Variants in VWC2L observed in about 807,000 individuals in gnomAD.
VWC2L encodes the protein von Willebrand factor C domain containing 2 like, also known as von Willebrand factor C domain-containing protein 2-like.
VWC2L carries 10 observed loss-of-function variants against 21.6 expected under a neutral mutation model. That is an observed-to-expected ratio of 0.46 (90% CI 0.29 to 0.78). The LOEUF (loss-of-function observed/expected upper bound fraction) is 0.78, where lower values mean the gene tolerates loss of function less well. VWC2L is among the 30% of genes least tolerant of loss of function. VWC2L has a pLI of 0.10. For synonymous variants in VWC2L, 96 were observed against 94.3 expected, an observed-to-expected ratio of 1.02 and a Z score of -0.10; for missense variants, 209 against 277.1, an observed-to-expected ratio of 0.75 and a Z score of 1.74.
chr2:214,446,715 C>A (rs1252942089), intron 3 of VWC2L, among the ~76,000 whole-genome samples: 1 of 151,982 alleles, frequency 6.6e-6, no homozygotes, highest in African/African-American at 2.4e-5. Flanking sequence ...GAGTCCAGTC[C>A]CCCCACAAAA....
At chr2:214,510,261 C>T (rs899812316) in intron 3 of VWC2L, 1 of 151,936 alleles carries the variant, frequency 6.6e-6, no homozygotes, top group Non-Finnish European at 1.5e-5. Context: ...TATGTTTGTA[C>T]TTTTGTGGTC....
chr2:214,568,926 C>T (rs1311433672), intron 3 of VWC2L, among the ~76,000 whole-genome samples: 2 of 152,136 alleles, frequency 1.3e-5, no homozygotes, highest in Admixed American at 1.3e-4. Context: ...GTGTTGTCCT[C>T]CTAGAAATTA....
chr2:214,484,115 C>T (rs892068631), intron 3 of VWC2L, among the ~76,000 whole-genome samples: 9 of 152,140 alleles, frequency 5.9e-5, no homozygotes, highest in South Asian at 2.1e-4. Context: ...CTCCCCTATG[C>T]GCCTGCGTGT....
intron 3 of VWC2L, among the ~76,000 whole-genome samples, chr2:214,502,096 C>T (rs1407861294): frequency 6.6e-6 from 1 of 152,194 alleles, no homozygotes; most frequent in Non-Finnish European, 1.5e-5. Flanking sequence ...GATCAATAAC[C>T]AAAACAATTA....
chr2:214,471,764 G>T (rs1329527887), intron 3 of VWC2L, among the ~76,000 whole-genome samples: 1 of 152,146 alleles, frequency 6.6e-6, no homozygotes, highest in Non-Finnish European at 1.5e-5. Context: ...TATTCATAGG[G>T]TTCTATAAAT....
In VWC2L at chr2:214,578,824, T is replaced by C. The variant is rs1211112618; in HGVS notation, c.*3004T>C. 5 of 151,924 alleles carry C rather than the reference T, an allele frequency of 3.3e-5. No homozygotes were observed. Among genetic ancestry groups the C allele is most frequent in the Non-Finnish European group, 4.4e-5 (3 of 67,970 alleles). The allele number at this position is 151,924 out of a possible 1,614,324, so 9.4% of individuals were successfully genotyped here. The stretch of plus-strand genomic sequence containing the variant: ...TAAAAACGATTCAGTTTCTAAAATC[T>C]TTGAAAAATGGCGTGCCTGAAAACT... On this transcript the variant is annotated 3_prime_UTR_variant, in exon 4 of 4. Coordinates refer to ENST00000312504, the MANE Select transcript of VWC2L (RefSeq NM_001080500.4).
rs563182779 is a variant in VWC2L at position 214,480,041 on chromosome 2, G to A, written c.520+43283G>A. On this transcript the variant is annotated intron_variant, in intron 3 of 3. Coordinates refer to ENST00000312504, the MANE Select transcript of VWC2L (RefSeq NM_001080500.4). ...TAACAACTACTTACACAGAATTTAC[G>A]TTGTATTACATATTATAAGTAATAT... 2.8e-4 allele frequency among the ~76,000 whole-genome samples: 42 copies of A among 152,092 alleles called. No individual in the cohort carries two copies. The East Asian group carries it at 4.1e-3, about 15-fold the overall frequency.
chr2:214,544,140 G>C (rs1574628204), intron 3 of VWC2L, among the ~76,000 whole-genome samples: 1 of 152,134 alleles, frequency 6.6e-6, no homozygotes, highest in African/African-American at 2.4e-5. Flanking sequence ...CATGGCTTCT[G>C]ATTCCAAGTT....
chr2:214,430,114 G>A (rs1356141989), intron 2 of VWC2L, among the ~76,000 whole-genome samples: 2 of 151,440 alleles, frequency 1.3e-5, no homozygotes, highest in Non-Finnish European at 2.9e-5. Context: ...GTGAGCCACC[G>A]TGCCTGGCCA....
intron 3 of VWC2L, among the ~76,000 whole-genome samples, chr2:214,495,331 C>G (rs1414368588): frequency 6.6e-6 from 1 of 152,102 alleles, no homozygotes; most frequent in Non-Finnish European, 1.5e-5. Flanking sequence ...AGGGCCTGCT[C>G]AGAGGTTTCT....
intron 2 of VWC2L, among the ~76,000 whole-genome samples, chr2:214,427,620 T>C (rs1222099667): frequency 6.6e-6 from 1 of 152,184 alleles, no homozygotes; most frequent in Non-Finnish European, 1.5e-5. Context: ...CTGAAAGATG[T>C]ACAATTGTCC....
rs77904837 is a variant in VWC2L, at chr2:214,414,014, A to G, written c.-80-100A>G. On this transcript the variant is annotated intron_variant, in intron 1 of 3. Coordinates refer to ENST00000312504, the MANE Select transcript of VWC2L (RefSeq NM_001080500.4). ...AACTTAGTCTATTTGAGGACTTAGT[A>G]TCTTCAAATTGATCCCAAACAGTTT... 4.7e-3 allele frequency: 3,027 copies of G among 639,002 alleles called. 98 individuals carry two copies. The East Asian group carries it at 0.059, about 13-fold the overall frequency. The allele number at this position is 639,002 out of a possible 1,614,324, so 39.6% of individuals were successfully genotyped here.
chr2:214,479,642 T>C (rs1688573823), intron 3 of VWC2L, among the ~76,000 whole-genome samples: 1 of 152,044 alleles, frequency 6.6e-6, no homozygotes, highest in Admixed American at 6.6e-5. Flanking sequence ...CCATCTCTAC[T>C]AAAAATATAA....
intron 2 of VWC2L, among the ~76,000 whole-genome samples, chr2:214,434,682 A>T (rs1230499558): frequency 6.6e-6 from 1 of 152,242 alleles, no homozygotes; most frequent in Non-Finnish European, 1.5e-5. Flanking sequence ...AAACTAAGTA[A>T]GTAGATATAG....
intron 3 of VWC2L, among the ~76,000 whole-genome samples, chr2:214,505,668 A>C (rs939896625): frequency 2.3e-4 from 35 of 152,228 alleles, no homozygotes; most frequent in African/African-American, 8.4e-4. Flanking sequence ...TGTGGCTAAG[A>C]AAATTTTAAC....
intron 3 of VWC2L, among the ~76,000 whole-genome samples, chr2:214,479,281 C>T (rs1016849547): frequency 1.4e-4 from 21 of 152,130 alleles, no homozygotes; most frequent in African/African-American, 5.1e-4. Context: ...CAATCCTTTC[C>T]ATAAAAATAT....
intron 3 of VWC2L, among the ~76,000 whole-genome samples, chr2:214,485,777 A>AAGT (rs1688664901): frequency 4.6e-5 from 7 of 152,190 alleles, no homozygotes; most frequent in African/African-American, 1.7e-4. Flanking sequence ...ATCCTTGAAG[A>AAGT]CAATAACCAC....
At chr2:214,449,817 G>A (rs992153098) in intron 3 of VWC2L, among the ~76,000 whole-genome samples, 1 of 152,180 alleles carries the variant, frequency 6.6e-6, no homozygotes, top group Admixed American at 6.6e-5. Flanking sequence ...GAAAAGAGCA[G>A]CCATAAATGC....
At chr2:214,550,683 A>G (rs1689780215) in intron 3 of VWC2L, among the ~76,000 whole-genome samples, 1 of 152,204 alleles carries the variant, frequency 6.6e-6, no homozygotes, top group African/African-American at 2.4e-5. Context: ...TTTCCTGTTT[A>G]TATATAAATA....
Sources: gnomAD v4.1 joint callset for allele counts (sites outside exome capture counted in the v4.1 genomes callset) on GRCh38, gnomAD v4.1.1 for gene constraint, MANE v1.5 for transcripts, NCBI Gene and HGNC (gene_info 2026-07-23, HGNC 2026-07-21) for gene names.